TNS3: variants seen among roughly 807,000 people sequenced by gnomAD.
The protein encoded by TNS3 is tensin 3, also known as tensin-3.
TNS3 carries 45 observed loss-of-function variants against 140.9 expected under a neutral mutation model. That is an observed-to-expected ratio of 0.32 (90% CI 0.25 to 0.41). TNS3 has a LOEUF of 0.41. Among genes scored for constraint, TNS3 ranks in the 10% least tolerant of loss-of-function variants. The probability of loss-of-function intolerance (pLI) is 1.00; values close to 1 mark genes in which losing one functional copy is unlikely to be tolerated. For missense variants in TNS3, 1,716 were observed against 1,906.7 expected, an observed-to-expected ratio of 0.90 and a Z score of 1.86; for synonymous variants, 815 against 788.4, an observed-to-expected ratio of 1.03 and a Z score of -0.56.
intron 21 of TNS3, among the ~76,000 whole-genome samples, chr7:47,304,429 A>G (rs892535477): frequency 6.6e-6 from 1 of 152,196 alleles, no homozygotes; most frequent in African/African-American, 2.4e-5. Context: ...ACAAAGCATA[A>G]AGAAACTTAT....
At chr7:47,443,033 T>A (rs1795545423) in intron 4 of TNS3, among the ~76,000 whole-genome samples, 1 of 152,070 alleles carries the variant, frequency 6.6e-6, no homozygotes, top group African/African-American at 2.4e-5. Context: ...TAGCGCCAAT[T>A]CCAAAACCAC....
intron 20 of TNS3, among the ~76,000 whole-genome samples, chr7:47,310,766 G>A (rs1450762193): frequency 6.6e-6 from 1 of 152,222 alleles, no homozygotes; most frequent in African/African-American, 2.4e-5. Context: ...TCCCTGCCCT[G>A]TGTCCAGGTG....
intron 16 of TNS3, among the ~76,000 whole-genome samples, chr7:47,378,104 C>T (rs1162066250): frequency 6.6e-6 from 1 of 152,134 alleles, no homozygotes; most frequent in East Asian, 1.9e-4. Context: ...TTGCTGATAT[C>T]AGCTCCCAGG....
chr7:47,396,643 T>C (rs1792846673), intron 16 of TNS3, 157 bp downstream of exon 16: 1 of 676,592 alleles, frequency 1.5e-6, no homozygotes, highest in Non-Finnish European at 2.6e-6. Flanking sequence ...CCCTCAAAAC[T>C]CACAACTGTG....
Position 47,346,165 on chromosome 7 carries a change from G to C in TNS3, c.2451+22C>G, listed in dbSNP as rs761716264. The C allele has an allele frequency of 7.5e-6, 12 of 1,610,038 alleles. No homozygotes were observed. In the Admixed American group the frequency reaches 2.0e-4, roughly 27 times the overall value. On this transcript the variant is annotated intron_variant, in intron 18 of 30. Transcript: ENST00000311160. ...AGGGAGTGGAATGGGCCCAGAAACTGGGACCTGGCTGTGGCACATACCTCT... is the reference window on the plus strand; with the variant it reads ...AGGGAGTGGAATGGGCCCAGAAACTCGGACCTGGCTGTGGCACATACCTCT...
chr7:47,299,118 A>C (rs6978815), intron 23 of TNS3, among the ~76,000 whole-genome samples: 17,035 of 152,188 alleles, frequency 0.11, 1,227 homozygotes, highest in African/African-American at 0.2. Flanking sequence ...GCTGAACGTG[A>C]ATGACATTTT....
intron 3 of TNS3, among the ~76,000 whole-genome samples, chr7:47,493,823 G>A (rs2964961): frequency 2.7e-5 from 4 of 148,448 alleles, no homozygotes; most frequent in African/African-American, 5.0e-5. Context: ...GCGAGACTCC[G>A]TCTCAAAAAA....
chr7:47,326,111 T>C (rs1027054357), intron 20 of TNS3, among the ~76,000 whole-genome samples: 3 of 152,218 alleles, frequency 2.0e-5, no homozygotes, highest in African/African-American at 7.2e-5. Flanking sequence ...AAATCCTGTT[T>C]ATATGACACA....
At chr7:47,408,359 C>A (rs1199405189) in intron 13 of TNS3, among the ~76,000 whole-genome samples, 1 of 152,160 alleles carries the variant, frequency 6.6e-6, no homozygotes, top group Non-Finnish European at 1.5e-5. Flanking sequence ...ACTGCTACAA[C>A]AGAGATGCAT....
At position 47,375,501 on chromosome 7, in the gene TNS3, T is replaced by C. The variant is rs181494204; in HGVS notation, c.1025-5880A>G. On this transcript the variant is annotated intron_variant, in intron 16 of 30. Coordinates refer to ENST00000311160, the MANE Select transcript of TNS3 (RefSeq NM_022748.12). ...ATACATTCTTGTCTCCTTGGAGGAC[T>C]TGCAGCAACAGACTTCCTCACCCAC... Among the ~76,000 whole-genome samples, 3 of 152,330 alleles carry C rather than the reference T, an allele frequency of 2.0e-5. No homozygotes were observed. In the East Asian group the frequency reaches 5.8e-4, roughly 29 times the overall value.
chr7:47,357,316 A>C (rs1790049644), intron 17 of TNS3, among the ~76,000 whole-genome samples: 1 of 152,176 alleles, frequency 6.6e-6, no homozygotes, highest in African/African-American at 2.4e-5. Flanking sequence ...CATTCCTAGG[A>C]GTGAAAACAA....
At chr7:47,417,851 A>C (rs1045683564) in intron 10 of TNS3, among the ~76,000 whole-genome samples, 1 of 152,244 alleles carries the variant, frequency 6.6e-6, no homozygotes, top group Non-Finnish European at 1.5e-5. Context: ...TTATAAAAAC[A>C]ACAAAGTTCA....
chr7:47,536,730 T>TGCACACACAAGGGTAC (rs1460166988), intron 1 of TNS3, among the ~76,000 whole-genome samples: 20 of 152,178 alleles, frequency 1.3e-4, no homozygotes, highest in African/African-American at 4.3e-4. Context: ...GTCCTGCGCG[T>TGCACACACAAGGGTAC]GCACACACAA....
chr7:47,440,019 C>T (rs1362838996), intron 5 of TNS3, among the ~76,000 whole-genome samples: 1 of 152,104 alleles, frequency 6.6e-6, no homozygotes, highest in African/African-American at 2.4e-5. Context: ...AACAGGGTTC[C>T]AGGCGGGACT....
chr7:47,406,931 G>A (rs1279312275), intron 13 of TNS3, among the ~76,000 whole-genome samples: 3 of 152,172 alleles, frequency 2.0e-5, no homozygotes, highest in Non-Finnish European at 4.4e-5. Context: ...GCATGGCAGA[G>A]TGGGTCACTG....
intron 4 of TNS3, among the ~76,000 whole-genome samples, chr7:47,449,926 G>A (rs890239500): frequency 6.6e-6 from 1 of 152,008 alleles, no homozygotes; most frequent in Admixed American, 6.6e-5. Flanking sequence ...TTACTGTGCC[G>A]ACCACAACTG....
At chr7:47,310,282 G>A (rs1787011782) in intron 20 of TNS3, among the ~76,000 whole-genome samples, 1 of 152,198 alleles carries the variant, frequency 6.6e-6, no homozygotes, top group South Asian at 2.1e-4. Context: ...AAAAAGATCA[G>A]CAGGGATTGT....
At chr7:47,462,195 A>G (rs1796517329) in intron 4 of TNS3, among the ~76,000 whole-genome samples, 1 of 152,232 alleles carries the variant, frequency 6.6e-6, no homozygotes, top group African/African-American at 2.4e-5. Context: ...TGTGAAGCCA[A>G]ATGCATAGTA....
intron 3 of TNS3, among the ~76,000 whole-genome samples, chr7:47,505,819 G>C (rs765707913): frequency 1.3e-5 from 2 of 152,196 alleles, no homozygotes; most frequent in Admixed American, 1.3e-4. Context: ...GCATGCATGT[G>C]TATTTATGTG....
Sources: allele counts gnomAD v4.1 joint callset (sites outside exome capture counted in the v4.1 genomes callset), GRCh38; gene constraint gnomAD v4.1.1; transcripts MANE v1.5; gene names NCBI Gene and HGNC (gene_info 2026-07-23, HGNC 2026-07-21).